Variants in GPER1 observed in about 807,000 individuals in gnomAD.
GPER1 encodes G protein-coupled estrogen receptor 1.
GPER1 carries 2 observed loss-of-function variants against 0.6 expected under a neutral mutation model. That is an observed-to-expected ratio of 3.41 (90% confidence interval 1.39 to 10.72). GPER1 has a LOEUF of 10.72. GPER1 is among the 30% of genes most tolerant of loss of function. The pLI, the probability that GPER1 is intolerant of heterozygous loss-of-function variation, is 0.04. For synonymous variants in GPER1, 263 were observed against 247.6 expected, an observed-to-expected ratio of 1.06 and a Z score of -0.58; for missense variants, 441 against 535.2, an observed-to-expected ratio of 0.82 and a Z score of 1.74.
chr7:1,087,362 C>T (rs1019529272), upstream of GPER1: 1 of 152,208 alleles, frequency 6.6e-6, no homozygotes, highest in African/African-American at 2.4e-5. Context: ...GGAAGAGTTT[C>T]GGAGTTCAGA....
Position 1,092,347 on chromosome 7 carries a change from T to A in GPER1, c.619T>A (p.Cys207Ser). The A allele has an allele frequency of 6.2e-7, 1 of 1,611,448 alleles. No homozygotes were observed. The highest frequency in any genetic ancestry group is 8.5e-7 in the Non-Finnish European group (1 of 1,179,364). ...GCAGCACACCGACGAGGCCTGCTTC[T>A]GTTTCGCGGATGTCCGGGAGGTGCA... is the stretch of plus-strand genomic sequence containing the variant. ...HLQHTDEACF[C>S]FADVREVQWL... The change falls in exon 2 of 2, where the codon TGT becomes AGT. Residue 207 changes from cysteine (C) to serine (S), a missense_variant. Physicochemically the swap from Cys to Ser is moderately radical, Grantham distance 112. Coordinates refer to ENST00000397088, the MANE Select transcript of GPER1 (RefSeq NM_001098201.3).
rs1186483951 is a variant in GPER1 at position 1,093,505 on chromosome 7, C to A, written c.*649C>A. The stretch of plus-strand genomic sequence containing the variant: ...CCACGAGGAGCAGCAGCGCTCGGCC[C>A]GGAGCAGCAGGAAGGCCCCTCTGTG... On this transcript the variant is annotated 3_prime_UTR_variant, in exon 2 of 2. Coordinates refer to ENST00000397088, the MANE Select transcript of GPER1 (RefSeq NM_001098201.3). The A allele has an allele frequency of 4.3e-6, 2 of 470,564 alleles. No individual in the cohort carries two copies. Among genetic ancestry groups the A allele is most frequent in the South Asian group, 3.1e-5 (2 of 64,580 alleles). 29.1% of individuals were successfully genotyped at this position (470,564 alleles called of 1,614,324 possible).
chr7:1,092,466 G>T lies in GPER1; in HGVS notation c.738G>T (p.Arg246=). 6.2e-7 allele frequency: 1 copy of T among 1,607,940 alleles called. No homozygotes were observed. ...TCCGGGTGCTGGTCAGGGCGCACCG[G>T]CACCGTGGGCTGCGGCCCCGGCGGC... The part of the protein sequence containing the change: ...LIVRVLVRAH[R]HRGLRPRRQK... The change falls in exon 2 of 2, where the codon CGG becomes CGT. Residue 246 remains arginine, a synonymous_variant. Transcript: ENST00000397088.
In GPER1 at chr7:1,092,471, G is replaced by A. The variant is rs35069667; in HGVS notation, c.743G>A (p.Arg248His). Residue 248 changes from arginine (R) to histidine (H), a missense_variant, in exon 2 of 2, where the codon CGT becomes CAT. By Grantham distance (29) the Arg-to-His change is conservative. Transcript: ENST00000397088. ...VRVLVRAHRH[R>H]GLRPRRQKAL... ...GTGCTGGTCAGGGCGCACCGGCACC[G>A]TGGGCTGCGGCCCCGGCGGCAGAAG... The A allele has an allele frequency of 2.8e-5, 45 of 1,607,656 alleles. No homozygotes were observed. The East Asian group carries it at 3.3e-4, about 12-fold the overall frequency.
chr7:1,087,246 T>G (rs1487689387), upstream of GPER1: 1 of 152,088 alleles, frequency 6.6e-6, no homozygotes, highest in Non-Finnish European at 1.5e-5. Flanking sequence ...GGACGGCAGG[T>G]AAGTTCCGAC....
In GPER1 at chr7:1,091,848, C is replaced by T. The variant is rs140084051; in HGVS notation, c.120C>T (p.Thr40=). ...ELNLSHPLLG[T]ALANGTGELS... is the part of the protein sequence containing the mutation. ...ACCTGTCCCACCCGCTCCTGGGCAC[C>T]GCCCTGGCCAATGGGACAGGTGAGC... The change falls in exon 2 of 2, where the codon ACC becomes ACT. Residue 40 remains threonine (T), a synonymous_variant. Transcript: ENST00000397088. 15 of 1,610,786 alleles carry T rather than the reference C, an allele frequency of 9.3e-6. No homozygotes were observed. Among genetic ancestry groups the T allele is most frequent in the East Asian group, 2.2e-5 (1 of 44,786 alleles).
chr7:1,090,254 G>A (rs1418743167), intron 1 of GPER1, among the ~76,000 whole-genome samples: 1 of 152,210 alleles, frequency 6.6e-6, no homozygotes, highest in Non-Finnish European at 1.5e-5. Context: ...GAGCTGAGCG[G>A]CAGCCCTGGC....
chr7:1,092,722 AG>A lies in GPER1; in HGVS notation c.997del (p.Asp333ThrfsTer3). The A allele has an allele frequency of 6.2e-7, 1 of 1,613,564 alleles. No individual in the cohort carries two copies. Among genetic ancestry groups the A allele is most frequent in the Non-Finnish European group, 8.5e-7 (1 of 1,180,004 alleles). On this transcript the variant is annotated frameshift_variant, in exon 2 of 2. Transcript: ENST00000397088. LOFTEE classifies it low-confidence loss of function (END_TRUNC). ...CTACAGCTTTCTCGGGGAGACCTTC[AG>A]GGACAAGCTGAGGCTGTACATTGAG... Reference protein sequence around the residue: ...LIYSFLGETFRDKLRLYIEQK... With the variant: ...LIYSFLGETFXDKLRLYIEQK...
Position 1,093,558 on chromosome 7 carries a change from T to C in GPER1, c.*702T>C, listed in dbSNP as rs1260855747. 1 of 470,968 alleles carries C rather than the reference T, an allele frequency of 2.1e-6. No homozygotes were observed. The highest frequency in any genetic ancestry group is 1.5e-5 in the South Asian group (1 of 64,574). 29.2% of individuals were successfully genotyped at this position (470,968 alleles called of 1,614,324 possible). On this transcript the variant is annotated 3_prime_UTR_variant, in exon 2 of 2. Coordinates refer to ENST00000397088, the MANE Select transcript of GPER1 (RefSeq NM_001098201.3). ...GCGCCCGCCGTCTGCTCCGGGGTGG[T>C]TCAGTCACTGCTTGTTGACATCAAC...
In GPER1 at chr7:1,088,584, G is replaced by A. The variant is rs138646653; in HGVS notation, c.-323+263G>A. On this transcript the variant is annotated intron_variant, in intron 1 of 1. Transcript: ENST00000397088. This position sits in a 1 kb window ranked among gnomAD's most constrained non-coding sequence, Gnocchi z 4.5. ...TGCTGAAAGCAGGACCCAGTATTCC[G>A]TCACGTTCTGTCCCAGCAAGAACGT... is the stretch of plus-strand genomic sequence containing the variant. 2.2e-3 allele frequency among the ~76,000 whole-genome samples: 338 copies of A among 152,226 alleles called. 2 individuals carry two copies. The highest frequency in any genetic ancestry group is 4.9e-3 in the Admixed American group (75 of 15,298).
In GPER1 at chr7:1,092,798, A is replaced by G. The variant is rs1788145487; in HGVS notation, c.1070A>G (p.Lys357Arg). Residue 357 changes from lysine to arginine, a missense_variant, in exon 2 of 2, where the codon AAG becomes AGG. Physicochemically the swap from Lys to Arg is conservative, Grantham distance 26 (BLOSUM62 2). Coordinates refer to ENST00000397088, the MANE Select transcript of GPER1 (RefSeq NM_001098201.3). ...AACCGCTTCTGTCACGCTGCCCTGA[A>G]GGCCGTCATTCCAGACAGCACCGAG... ...ALNRFCHAAL[K>R]AVIPDSTEQS... 1.2e-6 allele frequency: 2 copies of G among 1,613,536 alleles called. No homozygotes were observed. Among genetic ancestry groups the G allele is most frequent in the Non-Finnish European group, 1.7e-6 (2 of 1,179,994 alleles).
In GPER1 at chr7:1,093,463, G is replaced by A. The variant is rs1788241735; in HGVS notation, c.*607G>A. 2.1e-6 allele frequency: 1 copy of A among 468,550 alleles called. No individual in the cohort carries two copies. Among genetic ancestry groups the A allele is most frequent in the Non-Finnish European group, 4.4e-6 (1 of 225,850 alleles). The allele number at this position is 468,550 out of a possible 1,614,324, so 29.0% of individuals were successfully genotyped here. Reference sequence around the variant, plus strand: ...CTTCCAGGATGGCAGCAATGGCGCTGTGCGGCCTCACCAGGCCCACGAGGA... The same window carrying A: ...CTTCCAGGATGGCAGCAATGGCGCTATGCGGCCTCACCAGGCCCACGAGGA... On this transcript the variant is annotated 3_prime_UTR_variant, in exon 2 of 2. Transcript: ENST00000397088.
In GPER1 at chr7:1,092,854, T is replaced by C; in HGVS notation, c.1126T>C (p.Ter376GlnextTer6). 6.2e-7 allele frequency: 1 copy of C among 1,611,754 alleles called. No individual in the cohort carries two copies. The highest frequency in any genetic ancestry group is 8.5e-7 in the Non-Finnish European group (1 of 1,179,118). Residue 376 changes from the stop codon to glutamine, a stop_lost, in exon 2 of 2, where the codon TAG (stop) becomes CAG (glutamine). Transcript: ENST00000397088. ...QSDVRFSSAV* is the reference protein window; with the variant it reads ...QSDVRFSSAVQ ...GGATGTGAGGTTCAGCAGTGCCGTG[T>C]AGACAGCCTTGGCCGCATAGGCCCA... is the stretch of plus-strand genomic sequence containing the variant.
rs1156717080 is a variant in GPER1 at position 1,091,412 on chromosome 7, C to G, written c.-317C>G. 6.7e-6 allele frequency: 2 copies of G among 299,384 alleles called. No homozygotes were observed. The highest frequency in any genetic ancestry group is 1.2e-5 in the Non-Finnish European group (2 of 160,412). The allele number at this position is 299,384 out of a possible 1,614,324, so 18.5% of individuals were successfully genotyped here. ...CTCTCCTGTTGCTTCTCCAGGTACC[C>G]AGAGAGTGAGCAGCTCCACGCGGGA... is the stretch of plus-strand genomic sequence containing the variant. On this transcript the variant is annotated 5_prime_UTR_variant, in exon 2 of 2. Transcript: ENST00000397088.
At chr7:1,087,145 G>T (rs1445211870), upstream of GPER1, 1 of 152,264 alleles carries the variant, frequency 6.6e-6, no homozygotes, top group East Asian at 1.9e-4. Context: ...AGTCCGGGGA[G>T]GGAGGTTTAT....
Position 1,093,057 on chromosome 7 carries a change from C to A in GPER1, c.*201C>A, listed in dbSNP as rs1299060146. ...TCACGACTGGTCACCTTGCACTCCTCACACAGAATTGCTACAATCCCAAAG... is the reference window on the plus strand; with the variant it reads ...TCACGACTGGTCACCTTGCACTCCTAACACAGAATTGCTACAATCCCAAAG... On this transcript the variant is annotated 3_prime_UTR_variant, in exon 2 of 2. Transcript: ENST00000397088. 1 of 710,274 alleles carries A rather than the reference C, an allele frequency of 1.4e-6. No homozygotes were observed. Among genetic ancestry groups the A allele is most frequent in the Admixed American group, 2.0e-5 (1 of 49,780 alleles). 44.0% of individuals were successfully genotyped at this position (710,274 alleles called of 1,614,324 possible). A position where few individuals can be genotyped will look rare whatever the true frequency, so the allele number is the denominator to read the frequency against.
At position 1,090,066 on chromosome 7, in the gene GPER1, C is replaced by CAA. The variant is rs59249705; in HGVS notation, c.-322-1330_-322-1329dup. On this transcript the variant is annotated intron_variant, in intron 1 of 1. Coordinates refer to ENST00000397088, the MANE Select transcript of GPER1 (RefSeq NM_001098201.3). ...GCCACTGCACTCCAACCTGGGTGAC[C>CAA]AAAAAAAAAAAACATTCAAAACAAT... Among the ~76,000 whole-genome samples, 669 of 135,120 alleles carry CAA rather than the reference C, an allele frequency of 5.0e-3. 5 individuals carry two copies. Among genetic ancestry groups the CAA allele is most frequent in the African/African-American group, 0.017 (633 of 36,730 alleles). 88.6% of individuals were successfully genotyped at this position (135,120 alleles called of 152,430 possible).
rs991049611 is a variant in GPER1 at position 1,088,913 on chromosome 7, G to A, written c.-323+592G>A. Among the ~76,000 whole-genome samples the A allele has an allele frequency of 8.6e-5, 13 of 151,978 alleles. No individual in the cohort carries two copies. The highest frequency in any genetic ancestry group is 2.9e-4 in the African/African-American group (12 of 41,378). ...TAGGACACATCAGACACCAGGTCCC[G>A]TATCTTCTCGGTGTCTGGCAACGAT... On this transcript the variant is annotated intron_variant, in intron 1 of 1. Transcript: ENST00000397088. This position sits in a 1 kb window ranked among gnomAD's most constrained non-coding sequence, Gnocchi z 4.5.
upstream of GPER1, chr7:1,087,186 A>C (rs988275494): frequency 2.6e-5 from 4 of 152,214 alleles, no homozygotes; most frequent in African/African-American, 9.7e-5. Context: ...TGAAATCCGC[A>C]ACCATGAGCA....
Sources: allele counts gnomAD v4.1 joint callset (sites outside exome capture counted in the v4.1 genomes callset), GRCh38; gene constraint gnomAD v4.1.1; non-coding constraint Gnocchi (gnomAD v3.1); transcripts MANE v1.5; gene names NCBI Gene and HGNC (gene_info 2026-07-23, HGNC 2026-07-21).